Variants in MAD1L1 observed in about 807,000 individuals in gnomAD.
MAD1L1 encodes the protein mitotic spindle assembly checkpoint protein MAD1.
MAD1L1 carries 95 observed loss-of-function variants against 96.9 expected under a neutral mutation model. That is an observed-to-expected ratio of 0.98 (90% CI 0.83 to 1.16). The LOEUF is 1.16. Ranked by LOEUF, MAD1L1 falls within the 50% of genes most tolerant of loss-of-function variation. The pLI, the probability that MAD1L1 is intolerant of heterozygous loss-of-function variation, is 0.00. For synonymous variants in MAD1L1, 473 were observed against 396.6 expected (o/e 1.19, Z -2.29); for missense variants, 1,007 against 954.4 (o/e 1.06, Z -0.73).
intron 17 of MAD1L1, among the ~76,000 whole-genome samples, chr7:1,933,832 A>C (rs1022188851): frequency 6.6e-6 from 1 of 152,100 alleles, no homozygotes; most frequent in South Asian, 2.1e-4. Flanking sequence ...CTCCAGATCC[A>C]CTGTGCTTCA....
At chr7:2,019,762 G>A (rs1016859615) in intron 12 of MAD1L1, among the ~76,000 whole-genome samples, 2 of 152,098 alleles carry the variant, frequency 1.3e-5, no homozygotes, top group African/African-American at 4.8e-5. Context: ...ACAGTGCTGA[G>A]TGCACATGAG....
intron 12 of MAD1L1, among the ~76,000 whole-genome samples, chr7:2,018,484 G>A (rs370904625): frequency 6.6e-6 from 1 of 152,136 alleles, no homozygotes; most frequent in African/African-American, 2.4e-5. Flanking sequence ...GGCGCGTCCC[G>A]CACGATGGGG....
At position 1,908,059 on chromosome 7, in the gene MAD1L1, G is replaced by A. The variant is rs566040605; in HGVS notation, c.1808-9669C>T. On this transcript the variant is annotated intron_variant, in intron 17 of 18. Coordinates refer to ENST00000265854, the MANE Select transcript of MAD1L1 (RefSeq NM_001013836.2). ...CTTAGCAGACATGGGTGACCAGACA[G>A]TACGTTTGCCCACACACGGTCCCAA... Among the ~76,000 whole-genome samples, 5 of 152,352 alleles carry A rather than the reference G, an allele frequency of 3.3e-5. No homozygotes were observed. In the East Asian group the frequency reaches 9.6e-4, roughly 29 times the overall value.
At chr7:2,229,303 C>T (rs539647288) in intron 3 of MAD1L1, among the ~76,000 whole-genome samples, 1 of 152,174 alleles carries the variant, frequency 6.6e-6, no homozygotes, top group African/African-American at 2.4e-5. Context: ...CAGCACTCCA[C>T]TCCCCACCAC....
intron 10 of MAD1L1, among the ~76,000 whole-genome samples, chr7:2,185,625 T>C (rs944361259): frequency 5.3e-5 from 8 of 152,168 alleles, no homozygotes; most frequent in South Asian, 2.1e-4. Flanking sequence ...CGTGCATGCT[T>C]CTAGATTTTT....
chr7:1,889,034 G>A (rs1786370575), intron 18 of MAD1L1, among the ~76,000 whole-genome samples: 1 of 152,224 alleles, frequency 6.6e-6, no homozygotes, highest in Admixed American at 6.5e-5. Context: ...AGCGCAATGT[G>A]GCAGGCATAC....
rs568717887 is a variant in MAD1L1 at position 1,860,741 on chromosome 7, C to T, written c.1998+37459G>A. Among the ~76,000 whole-genome samples, 249 of 152,062 alleles carry T rather than the reference C, an allele frequency of 1.6e-3. 1 individual carries two copies. The highest frequency in any genetic ancestry group is 2.5e-3 in the Non-Finnish European group (167 of 67,954). On this transcript the variant is annotated intron_variant, in intron 18 of 18. Transcript: ENST00000265854. ...ATCATCCTGGGCATCACCCCGGGGCCTGACCTCCGCTCACATCTCAGGATT... is the reference window on the plus strand; with the variant it reads ...ATCATCCTGGGCATCACCCCGGGGCTTGACCTCCGCTCACATCTCAGGATT...
chr7:1,885,746 G>GGGCTC (rs1785975305), intron 18 of MAD1L1, among the ~76,000 whole-genome samples: 1 of 152,208 alleles, frequency 6.6e-6, no homozygotes, highest in Admixed American at 6.5e-5. Context: ...AGATCCCCGA[G>GGGCTC]GGCTCGGCAG....
At chr7:2,045,742 G>A (rs1239195202) in intron 12 of MAD1L1, among the ~76,000 whole-genome samples, 1 of 152,040 alleles carries the variant, frequency 6.6e-6, no homozygotes, top group East Asian at 1.9e-4. Context: ...GTGGGGTGGG[G>A]GAGGGGAGCG....
At chr7:1,969,047 C>T (rs918208404) in intron 15 of MAD1L1, among the ~76,000 whole-genome samples, 4 of 152,150 alleles carry the variant, frequency 2.6e-5, no homozygotes, top group Non-Finnish European at 5.9e-5. Context: ...CGCAACTTGC[C>T]TATTGAATCT....
chr7:1,920,156 C>T (rs1044047699), intron 17 of MAD1L1, among the ~76,000 whole-genome samples: 4 of 152,192 alleles, frequency 2.6e-5, no homozygotes, highest in African/African-American at 9.7e-5. Flanking sequence ...CTCCTGGGTC[C>T]CCGGCTTGCC....
chr7:1,929,805 T>TC (rs1471517136), intron 17 of MAD1L1, among the ~76,000 whole-genome samples: 1,064 of 29,984 alleles, frequency 0.035, 5 homozygotes, highest in Non-Finnish European at 0.051. Flanking sequence ...CCTCGCCCCG[T>TC]CCCCACTGCC....
At chr7:2,156,153 C>T (rs1418178991) in intron 10 of MAD1L1, among the ~76,000 whole-genome samples, 1 of 143,638 alleles carries the variant, frequency 7.0e-6, no homozygotes, top group Non-Finnish European at 1.5e-5. Context: ...GCGGGTGTGG[C>T]GAGGGGAGCG....
chr7:2,018,127 G>A (rs1208922418), intron 12 of MAD1L1, among the ~76,000 whole-genome samples: 2 of 152,180 alleles, frequency 1.3e-5, no homozygotes, highest in Non-Finnish European at 2.9e-5. Context: ...GTCACTTGAG[G>A]TGTGCATGCC....
At chr7:1,838,445 A>G in intron 18 of MAD1L1, 1 of 258,122 alleles carries the variant, frequency 3.9e-6, no homozygotes. Flanking sequence ...CTATCAACGG[A>G]TGAACGGATA....
chr7:1,923,696 C>G (rs899782644), intron 17 of MAD1L1, among the ~76,000 whole-genome samples: 1 of 152,264 alleles, frequency 6.6e-6, no homozygotes, highest in Non-Finnish European at 1.5e-5. Flanking sequence ...AGTGGGCAAG[C>G]CTTGCCTGGC....
At chr7:1,932,289 C>G (rs1054848075) in intron 17 of MAD1L1, among the ~76,000 whole-genome samples, 4 of 152,380 alleles carry the variant, frequency 2.6e-5, no homozygotes, top group South Asian at 2.1e-4. Flanking sequence ...CGGCTGCTCC[C>G]CAGGCCTGAG....
chr7:2,110,280 G>A (rs917877120), intron 11 of MAD1L1, among the ~76,000 whole-genome samples: 9 of 152,152 alleles, frequency 5.9e-5, no homozygotes, highest in African/African-American at 1.9e-4. Flanking sequence ...TGGACTGTGC[G>A]CTCACAGCCG....
chr7:2,132,268 A>AGTCC (rs1788545313), intron 11 of MAD1L1, among the ~76,000 whole-genome samples: 2 of 152,246 alleles, frequency 1.3e-5, no homozygotes, highest in African/African-American at 4.8e-5. Context: ...GCACGACTGC[A>AGTCC]GTCCATTCAT....
Sources: gnomAD v4.1 joint callset for allele counts (sites outside exome capture counted in the v4.1 genomes callset) on GRCh38, gnomAD v4.1.1 for gene constraint, MANE v1.5 for transcripts, NCBI Gene and HGNC (gene_info 2026-07-23, HGNC 2026-07-21) for gene names.